VSX1: variants seen among roughly 807,000 people sequenced by gnomAD.
The protein encoded by VSX1 is homeodomain protein RINX.
A neutral mutation model predicts 23.6 loss-of-function variants in VSX1; 23 were observed. The observed-to-expected ratio is 0.97, with a 90% CI of 0.70 to 1.38. VSX1 has a LOEUF of 1.38. VSX1 is among the 40% of genes most tolerant of loss of function. The pLI is 0.00. For missense variants in VSX1, 517 were observed against 495.4 expected (o/e 1.04, Z -0.41); for synonymous variants, 247 against 215.1 (o/e 1.15, Z -1.30).
rs2089478330 is a variant in VSX1 at position 25,075,878 on chromosome 20, T to C, written c.*383A>G. The C allele has an allele frequency of 4.6e-6, 1 of 216,036 alleles. No individual in the cohort carries two copies. The highest frequency in any genetic ancestry group is 9.3e-6 in the Non-Finnish European group (1 of 107,718). The allele number at this position is 216,036 out of a possible 1,614,324, so 13.4% of individuals were successfully genotyped here. A position where few individuals can be genotyped will look rare whatever the true frequency, so the allele number is the denominator to read the frequency against. On this transcript the variant is annotated 3_prime_UTR_variant, in exon 5 of 5. Coordinates refer to ENST00000376709, the MANE Select transcript of VSX1 (RefSeq NM_014588.6). ...CTTCTGGATATTAAACAATTTTATA[T>C]TTCCTAATTGAGAATGAGGACATCA...
At chr20:25,078,464 A>G in intron 3 of VSX1, 1 of 1,093,016 alleles carries the variant, frequency 9.1e-7, no homozygotes. Context: ...TCAGGGGCAG[A>G]TAATATACTC....
rs1223436485 is a variant in VSX1, at chr20:25,076,139, A to G, written c.*122T>C. Reference sequence around the variant, plus strand: ...CTTAAAGCAAGTGGCATTGCATTTTATCTTGACATTGTCAGAAGAAAATCA... The same window carrying G: ...CTTAAAGCAAGTGGCATTGCATTTTGTCTTGACATTGTCAGAAGAAAATCA... On this transcript the variant is annotated 3_prime_UTR_variant, in exon 5 of 5. Coordinates refer to ENST00000376709, the MANE Select transcript of VSX1 (RefSeq NM_014588.6). The G allele has an allele frequency of 1.2e-5, 17 of 1,414,520 alleles. No individual in the cohort carries two copies. The highest frequency in any genetic ancestry group is 4.8e-5 in the South Asian group (4 of 83,978). 87.6% of individuals were successfully genotyped at this position (1,414,520 alleles called of 1,614,324 possible). A position where few individuals can be genotyped will look rare whatever the true frequency, so the allele number is the denominator to read the frequency against.
At chr20:25,077,931 C>G (rs890990848) in intron 3 of VSX1, 66 bp from the exon 4 acceptor site, 62 of 1,526,282 alleles carry the variant, frequency 4.1e-5, no homozygotes, top group Non-Finnish European at 5.4e-5. Flanking sequence ...CCTGGAGGAG[C>G]GGAGGCGGCG....
chr20:25,072,305 GAGGTAC>G (rs1239931459), downstream of VSX1, among the ~76,000 whole-genome samples: 3 of 152,146 alleles, frequency 2.0e-5, no homozygotes, highest in African/African-American at 7.2e-5. Context: ...TGTAAGGTGT[GAGGTAC>G]AGGTCCAATT....
chr20:25,076,580 A>T (rs774353406), intron 4 of VSX1, 30 bp from the exon 5 acceptor site: 7 of 1,565,766 alleles, frequency 4.5e-6, no homozygotes, highest in Non-Finnish European at 6.0e-6. Flanking sequence ...AAAGGAAAAA[A>T]TAAAAATAAA....
chr20:25,071,800 G>A, downstream of VSX1: 1 of 707,228 alleles, frequency 1.4e-6, no homozygotes, highest in Non-Finnish European at 2.6e-6. Context: ...GCCCTGCAGG[G>A]GGCAAGTCTG....
In VSX1 at chr20:25,076,339, G is replaced by A. The variant is rs1283113084; in HGVS notation, c.1020C>T (p.His340=). The change falls in exon 5 of 5, where the codon CAC becomes CAT. Residue 340 remains histidine, a synonymous_variant. Coordinates refer to ENST00000376709, the MANE Select transcript of VSX1 (RefSeq NM_014588.6). The part of the protein sequence containing the change: ...SSARQETKKV[H]PGAGAQGGSN... ...AGCCTCCTTGAGCACCAGCCCCAGG[G>A]TGCACTTTCTTGGTCTCCTGCCGGG... The A allele has an allele frequency of 5.0e-6, 8 of 1,614,186 alleles. No individual in the cohort carries two copies. In the Admixed American group the frequency reaches 1.0e-4, roughly 20 times the overall value.
chr20:25,077,916 G>A (rs1251054807), intron 3 of VSX1, 51 bp from the exon 4 acceptor site: 3 of 1,546,678 alleles, frequency 1.9e-6, no homozygotes, highest in Non-Finnish European at 2.6e-6. Flanking sequence ...CAGTGAAGAG[G>A]GGCGCCTGGA....
Position 25,077,718 on chromosome 20 carries a change from C to G in VSX1, c.775G>C (p.Gly259Arg), listed in dbSNP as rs368460658. ...CAGGGCGCGCAGGAGCCCAGCAGGCCGCCCTCGGCGGAGTTGAGCACGGAG... is the reference window on the plus strand; with the variant it reads ...CAGGGCGCGCAGGAGCCCAGCAGGCGGCCCTCGGCGGAGTTGAGCACGGAG... Reference protein sequence around the residue: ...PDSVLNSAEGGLLGSCAPWLL... With the variant: ...PDSVLNSAEGRLLGSCAPWLL... The change falls in exon 4 of 5, where the codon GGC becomes CGC. Residue 259 changes from glycine (G) to arginine (R), a missense_variant. Gly to Arg is a moderately radical substitution (Grantham distance 125). Transcript: ENST00000376709. The G allele has an allele frequency of 1.3e-6, 2 of 1,550,080 alleles. No homozygotes were observed. Among genetic ancestry groups the G allele is most frequent in the South Asian group, 2.4e-5 (2 of 84,012 alleles).
rs370506178 is a variant in VSX1 at position 25,076,251 on chromosome 20, C to A, written c.*10G>T. On this transcript the variant is annotated 3_prime_UTR_variant, in exon 5 of 5. Coordinates refer to ENST00000376709, the MANE Select transcript of VSX1 (RefSeq NM_014588.6). ...ACATTTTCAGCCTTTGACAGTGGGACCTGTGGGTCTCATGTGGCTCCCACC... is the reference window on the plus strand; with the variant it reads ...ACATTTTCAGCCTTTGACAGTGGGAACTGTGGGTCTCATGTGGCTCCCACC... 1.4e-5 allele frequency: 22 copies of A among 1,613,822 alleles called. No homozygotes were observed. The African/African-American group carries it at 2.7e-4, about 20-fold the overall frequency.
chr20:25,078,302 CATT>C lies in VSX1; in HGVS notation c.628-440_628-438del, dbSNP rs369616823. Among the ~76,000 whole-genome samples the C allele has an allele frequency of 6.1e-4, 93 of 152,290 alleles. 1 individual carries two copies. The highest frequency in any genetic ancestry group is 2.1e-3 in the African/African-American group (88 of 41,564). Reference sequence around the variant, plus strand: ...TGCTGGTGATATTTCTCATTAAAAACATTATGTTAATAAAGGACTATTATGAAA... The same window carrying C: ...TGCTGGTGATATTTCTCATTAAAAACATGTTAATAAAGGACTATTATGAAA... On this transcript the variant is annotated intron_variant, in intron 3 of 4. Coordinates refer to ENST00000376709, the MANE Select transcript of VSX1 (RefSeq NM_014588.6).
At chr20:25,073,520 G>C (rs1442181786), downstream of VSX1, among the ~76,000 whole-genome samples, 7 of 152,086 alleles carry the variant, frequency 4.6e-5, no homozygotes, top group African/African-American at 1.7e-4. Flanking sequence ...ATTAGTTAAT[G>C]GGCAAAAAGA....
chr20:25,081,727 G>A lies in VSX1; in HGVS notation c.370C>T (p.Arg124Cys). The A allele has an allele frequency of 6.7e-7, 1 of 1,501,588 alleles. No homozygotes were observed. Among genetic ancestry groups the A allele is most frequent in the Non-Finnish European group, 8.8e-7 (1 of 1,133,250 alleles). 93.0% of individuals were successfully genotyped at this position (1,501,588 alleles called of 1,614,324 possible). Residue 124 changes from arginine to cysteine, a missense_variant, in exon 1 of 5, where the codon CGT (arginine) becomes TGT (cysteine). Arg to Cys is a radical substitution (Grantham distance 180). Transcript: ENST00000376709. Reference sequence around the variant, plus strand: ...TGGCGGCCGAGCGCAGGCGGCGGACGGCTGGGAGCCAGCGGGGCAGCGGGC... The same window carrying A: ...TGGCGGCCGAGCGCAGGCGGCGGACAGCTGGGAGCCAGCGGGGCAGCGGGC... ...PEPAAPLAPS[R>C]PPPALGRQKR...
At chr20:25,072,908 A>AT (rs2089409129), downstream of VSX1, among the ~76,000 whole-genome samples, 2 of 152,106 alleles carry the variant, frequency 1.3e-5, no homozygotes, top group South Asian at 4.1e-4. Context: ...TAAAACTGTA[A>AT]TTTTTTGAAA....
At chr20:25,070,916 TAAAG>T (rs1467741833), downstream of VSX1, 5 of 417,822 alleles carry the variant, frequency 1.2e-5, no homozygotes, top group Non-Finnish European at 2.3e-5. Context: ...TTAATTCTTA[TAAAG>T]AAAGAATGAA....
chr20:25,078,376 A>G (rs1600383134), intron 3 of VSX1, among the ~76,000 whole-genome samples: 1 of 152,338 alleles, frequency 6.6e-6, no homozygotes, highest in Non-Finnish European at 1.5e-5. Context: ...ATCTTCTGAT[A>G]AAACCAAGAG....
chr20:25,081,588 G>T, intron 1 of VSX1, 85 bp downstream of exon 1: 1 of 1,547,414 alleles, frequency 6.5e-7, no homozygotes, highest in African/African-American at 1.4e-5. Context: ...GGGGCCAGGG[G>T]TGCGGTGGGG....
At chr20:25,072,769 TTC>T (rs796258708), downstream of VSX1, 11 of 437,574 alleles carry the variant, frequency 2.5e-5, no homozygotes, top group African/African-American at 2.0e-4. Context: ...TATCTTGTTC[TTC>T]TATCATTTCT....
chr20:25,071,504 C>T, downstream of VSX1: 2 of 453,124 alleles, frequency 4.4e-6, no homozygotes, highest in Non-Finnish European at 8.8e-6. Flanking sequence ...TTCTTCAAGG[C>T]ATTTTGGGTT....
Sources: gnomAD v4.1 joint callset for allele counts (sites outside exome capture counted in the v4.1 genomes callset) on GRCh38, gnomAD v4.1.1 for gene constraint, MANE v1.5 for transcripts, NCBI Gene and HGNC (gene_info 2026-07-23, HGNC 2026-07-21) for gene names.